Variants in CPNE4 observed in about 807,000 individuals in gnomAD.
The protein encoded by CPNE4 is copine-4.
CPNE4 carries 25 observed loss-of-function variants against 67.9 expected under a neutral mutation model. The observed-to-expected ratio is 0.37, with a 90% confidence interval of 0.27 to 0.51. The LOEUF (loss-of-function observed/expected upper bound fraction) is 0.51. Ranked by LOEUF, CPNE4 falls within the 20% of genes least tolerant of loss-of-function variation. The probability of loss-of-function intolerance (pLI) is 0.93; values close to 1 mark genes in which losing one functional copy is unlikely to be tolerated. For synonymous variants in CPNE4, 242 were observed against 244.9 expected, an observed-to-expected ratio of 0.99 and a Z score of 0.11; for missense variants, 464 against 690.8, an observed-to-expected ratio of 0.67 and a Z score of 3.68.
chr3:131,992,006 G>A (rs1230412410), intron 1 of CPNE4, among the ~76,000 whole-genome samples: 1 of 136,720 alleles, frequency 7.3e-6, no homozygotes, highest in African/African-American at 2.5e-5. Context: ...AAGGAGGTAT[G>A]GAAATGCCTG....
intron 7 of CPNE4, among the ~76,000 whole-genome samples, chr3:131,597,309 G>T (rs931562423): frequency 6.6e-6 from 1 of 152,048 alleles, no homozygotes; most frequent in African/African-American, 2.4e-5. Flanking sequence ...GGCCTGTTGT[G>T]GGGTGGGGGG....
Position 131,892,160 on chromosome 3 carries a change from A to C in CPNE4, c.180+13104T>G, listed in dbSNP as rs147185165. Among the ~76,000 whole-genome samples, 734 of 152,204 alleles carry C rather than the reference A, an allele frequency of 4.8e-3. 9 individuals carry two copies. Among genetic ancestry groups the C allele is most frequent in the African/African-American group, 0.016 (648 of 41,532 alleles). ...CAAACAGTCCCCACTGCCCCTATAA[A>C]AATCCTTGCTATAGGAGAGATTCTG... On this transcript the variant is annotated intron_variant, in intron 2 of 15. Coordinates refer to ENST00000429747, the MANE Select transcript of CPNE4 (RefSeq NM_130808.3).
chr3:132,004,529 A>G (rs553078872), intron 1 of CPNE4, among the ~76,000 whole-genome samples: 4 of 152,256 alleles, frequency 2.6e-5, no homozygotes. Context: ...TTAGCATTGT[A>G]TTGTGAAGAT....
intron 1 of CPNE4, among the ~76,000 whole-genome samples, chr3:131,993,274 T>C (rs1029671177): frequency 3.7e-5 from 5 of 135,078 alleles, no homozygotes; most frequent in Non-Finnish European, 8.4e-5. Flanking sequence ...TCCTTTGCTA[T>C]GTGAAGTTAA....
intron 7 of CPNE4, among the ~76,000 whole-genome samples, chr3:131,591,442 A>G (rs1304877021): frequency 1.3e-5 from 2 of 152,130 alleles, no homozygotes; most frequent in Non-Finnish European, 2.9e-5. Context: ...ATTGCCCTCC[A>G]TTAGATTTTC....
Position 131,542,735 on chromosome 3 carries a change from CG to C in CPNE4, c.1360del (p.Arg454GlyfsTer19). 6.2e-7 allele frequency: 1 copy of C among 1,613,982 alleles called. No individual in the cohort carries two copies. The highest frequency in any genetic ancestry group is 8.5e-7 in the Non-Finnish European group (1 of 1,179,970). On this transcript the variant is annotated frameshift_variant, in exon 15 of 16. Transcript: ENST00000429747. LOFTEE classifies it high-confidence loss of function. ...GTGGGAGGCATGGACAATGGCCTCC[CG>C]GGTGTCGGCCATGTCTGTGATAACA... ...DGVITDMADT[R>X]EAIVHASHLP...
chr3:131,827,668 T>C (rs1158326928), intron 2 of CPNE4, among the ~76,000 whole-genome samples: 2 of 152,054 alleles, frequency 1.3e-5, no homozygotes, highest in African/African-American at 4.8e-5. Context: ...CCCTTAATTA[T>C]ATCATAAGAA....
At chr3:131,822,533 A>G (rs1029395593) in intron 2 of CPNE4, among the ~76,000 whole-genome samples, 48 of 152,288 alleles carry the variant, frequency 3.2e-4, no homozygotes, top group African/African-American at 1.0e-3. Context: ...TAAGTTTGCT[A>G]TTTTGCTCTC....
In CPNE4 at chr3:131,972,691, T is replaced by C. The variant is rs184477710; in HGVS notation, c.-2+61876A>G. On this transcript the variant is annotated intron_variant, in intron 1 of 15. Coordinates refer to ENST00000429747, the MANE Select transcript of CPNE4 (RefSeq NM_130808.3). ...TGGTACAGAGCTCTAAATGGCTCTA[T>C]TTTTAAGGTAGCTCTGAACTGGGCC... 2.2e-4 allele frequency among the ~76,000 whole-genome samples: 34 copies of C among 152,262 alleles called. 1 individual carries two copies. The East Asian group carries it at 5.2e-3, about 23-fold the overall frequency.
At chr3:131,745,438 C>A (rs1377977150) in intron 2 of CPNE4, among the ~76,000 whole-genome samples, 2 of 152,146 alleles carry the variant, frequency 1.3e-5, no homozygotes, top group African/African-American at 4.8e-5. Flanking sequence ...TTTAATTTAT[C>A]AATTTTTGCC....
At chr3:131,565,075 C>T (rs1013359209) in intron 10 of CPNE4, among the ~76,000 whole-genome samples, 8 of 152,058 alleles carry the variant, frequency 5.3e-5, no homozygotes, top group Middle Eastern at 6.8e-3. Context: ...TGTAAGTAAA[C>T]GTTGAGTCAC....
chr3:132,008,009 G>C (rs1370772173), intron 1 of CPNE4, among the ~76,000 whole-genome samples: 2 of 152,192 alleles, frequency 1.3e-5, no homozygotes, highest in African/African-American at 4.8e-5. Context: ...CTGGAAAGCA[G>C]GGGGTTTTGT....
chr3:131,962,607 A>G (rs11917739), intron 1 of CPNE4, among the ~76,000 whole-genome samples: 18,720 of 152,166 alleles, frequency 0.12, 3,784 homozygotes, highest in African/African-American at 0.42. Flanking sequence ...TGAGCACTTA[A>G]TATGTGGCAA....
intron 1 of CPNE4, among the ~76,000 whole-genome samples, chr3:131,977,681 T>C (rs1451952325): frequency 6.6e-6 from 1 of 152,128 alleles, no homozygotes; most frequent in Non-Finnish European, 1.5e-5. Context: ...ATTAAAGATT[T>C]TTATTAAAAA....
At chr3:132,027,656 T>C (rs183233030) in intron 1 of CPNE4, among the ~76,000 whole-genome samples, 5 of 151,676 alleles carry the variant, frequency 3.3e-5, no homozygotes, top group Admixed American at 6.6e-5. Context: ...TGTCCATCCC[T>C]AGTTTCACAT....
intron 8 of CPNE4, among the ~76,000 whole-genome samples, chr3:131,585,553 G>A (rs993779890): frequency 2.0e-5 from 3 of 151,982 alleles, no homozygotes; most frequent in Non-Finnish European, 4.4e-5. Flanking sequence ...TTAGGTTTTG[G>A]TATATTTCAT....
chr3:131,884,145 T>G lies in CPNE4; in HGVS notation c.180+21119A>C, dbSNP rs564849840. On this transcript the variant is annotated intron_variant, in intron 2 of 15. Transcript: ENST00000429747. ...AAAGCTGGGACCATGTATTGTTCCC[T>G]TCTGTATCCTCAGCCCTTAGAAAAG... Among the ~76,000 whole-genome samples, 11 of 152,352 alleles carry G rather than the reference T, an allele frequency of 7.2e-5. No individual in the cohort carries two copies. In the South Asian group the frequency reaches 2.3e-3, roughly 32 times the overall value.
At chr3:131,729,367 A>G (rs1464274179) in intron 2 of CPNE4, among the ~76,000 whole-genome samples, 1 of 152,202 alleles carries the variant, frequency 6.6e-6, no homozygotes, top group Non-Finnish European at 1.5e-5. Context: ...ATTACAGGCA[A>G]TTTTTCAAAC....
At chr3:131,987,387 A>AT (rs552601179) in intron 1 of CPNE4, among the ~76,000 whole-genome samples, 27,391 of 143,600 alleles carry the variant, frequency 0.19, 3,207 homozygotes, top group East Asian at 0.38. Context: ...AGTTGTACAG[A>AT]TTTTTTTTTT....
Sources: gnomAD v4.1 joint callset for allele counts (sites outside exome capture counted in the v4.1 genomes callset) on GRCh38, gnomAD v4.1.1 for gene constraint, MANE v1.5 for transcripts, NCBI Gene and HGNC (gene_info 2026-07-23, HGNC 2026-07-21) for gene names.